The following SPINK5 variants were observed in gnomAD, a reference collection of about 807,000 sequenced individuals.
The protein encoded by SPINK5 is serine protease inhibitor Kazal-type 5.
A neutral mutation model predicts 151.8 loss-of-function variants in SPINK5; 125 were observed. The observed-to-expected ratio is 0.82, with a 90% CI of 0.71 to 0.96. The LOEUF (loss-of-function observed/expected upper bound fraction) is 0.96. Among genes scored for constraint, SPINK5 ranks in the 40% least tolerant of loss-of-function variants. The pLI, the probability that SPINK5 is intolerant of heterozygous loss-of-function variation, is 0.00. For missense variants in SPINK5, 1,194 were observed against 1,291.9 expected, an observed-to-expected ratio of 0.92 and a Z score of 1.16; for synonymous variants, 374 against 395.3, an observed-to-expected ratio of 0.95 and a Z score of 0.64.
intron 4 of SPINK5, among the ~76,000 whole-genome samples, chr5:148,084,081 A>G (rs964549672): frequency 7.2e-5 from 11 of 151,854 alleles, no homozygotes; most frequent in Non-Finnish European, 1.3e-4. Context: ...ACATAATTAG[A>G]CTTGATAAAA....
intron 10 of SPINK5, among the ~76,000 whole-genome samples, chr5:148,096,770 A>G (rs1421696251): frequency 3.5e-5 from 4 of 114,546 alleles, no homozygotes; most frequent in African/African-American, 1.5e-4. Context: ...TTTTAAGACA[A>G]TTTCTTTCTT....
At chr5:148,123,521 G>GTGTGTGTGTATATATA (rs1328976077) in intron 26 of SPINK5, among the ~76,000 whole-genome samples, 1 of 25,016 alleles carries the variant, frequency 4.0e-5, no homozygotes, top group African/African-American at 8.0e-5. Flanking sequence ...CAATATATGT[G>GTGTGTGTGTATATATA]TATATATATA....
At chr5:148,077,666 C>T (rs1379292449) in intron 4 of SPINK5, among the ~76,000 whole-genome samples, 2 of 122,358 alleles carry the variant, frequency 1.6e-5, no homozygotes, top group Non-Finnish European at 3.2e-5. Flanking sequence ...TATATGACAA[C>T]AATAGCATAA....
chr5:148,091,093 TTA>T, intron 7 of SPINK5, 70 bp from the exon 8 acceptor site: 1 of 1,303,084 alleles, frequency 7.7e-7, no homozygotes, highest in Non-Finnish European at 1.1e-6. Context: ...ATGAAAGTGT[TTA>T]GCACAGGACT....
chr5:148,123,775 T>C lies in SPINK5; in HGVS notation c.2539-58T>C, dbSNP rs1754354245. 3.7e-6 allele frequency: 6 copies of C among 1,611,054 alleles called. No homozygotes were observed. The Admixed American group carries it at 1.0e-4, about 27-fold the overall frequency. On this transcript the variant is annotated intron_variant, in intron 26 of 32. Coordinates refer to ENST00000256084, the MANE Select transcript of SPINK5 (RefSeq NM_006846.4). Reference sequence around the variant, plus strand: ...TTTATATCTAATCGGTCAATCATGTTATCAGGTTTGAAAGATTATACCATG... The same window carrying C: ...TTTATATCTAATCGGTCAATCATGTCATCAGGTTTGAAAGATTATACCATG...
intron 22 of SPINK5, among the ~76,000 whole-genome samples, chr5:148,117,174 C>T (rs1161683974): frequency 6.6e-6 from 1 of 152,180 alleles, no homozygotes; most frequent in Non-Finnish European, 1.5e-5. Flanking sequence ...CCAGATCTGA[C>T]AAAGGCCCAA....
At chr5:148,119,366 C>G (rs943677787) in intron 24 of SPINK5, among the ~76,000 whole-genome samples, 1 of 152,126 alleles carries the variant, frequency 6.6e-6, no homozygotes, top group African/African-American at 2.4e-5. Flanking sequence ...TGAGGTTTTG[C>G]AAGTATACTG....
chr5:148,121,200 G>GATA (rs1336271738), intron 26 of SPINK5, among the ~76,000 whole-genome samples: 1 of 144,484 alleles, frequency 6.9e-6, no homozygotes, highest in Middle Eastern at 3.4e-3. Context: ...TGGAGTTTGA[G>GATA]ATAATAAATT....
intron 16 of SPINK5, among the ~76,000 whole-genome samples, chr5:148,106,119 G>A (rs1753776772): frequency 6.6e-6 from 1 of 151,784 alleles, no homozygotes; most frequent in Admixed American, 6.6e-5. Flanking sequence ...TTGATCAGCT[G>A]CCAAATCCTC....
At chr5:148,100,024 T>A (rs1182408395) in intron 12 of SPINK5, among the ~76,000 whole-genome samples, 2 of 152,224 alleles carry the variant, frequency 1.3e-5, no homozygotes, top group East Asian at 3.9e-4. Context: ...TTCAGCTAGT[T>A]TTATTTTCAT....
chr5:148,094,392 A>T lies in SPINK5; in HGVS notation c.705A>T (p.Gly235=). 6.2e-7 allele frequency: 1 copy of T among 1,612,766 alleles called. No individual in the cohort carries two copies. Among genetic ancestry groups the T allele is most frequent in the Non-Finnish European group, 8.5e-7 (1 of 1,179,058 alleles). The change falls in exon 9 of 33, where the codon GGA becomes GGT. Residue 235 remains glycine, a synonymous_variant. Coordinates refer to ENST00000256084, the MANE Select transcript of SPINK5 (RefSeq NM_006846.4). ...CKEYEKQVRN[G]RLFCTRESDP... The stretch of plus-strand genomic sequence containing the variant: ...AATATGAAAAACAAGTGAGAAATGG[A>T]AGGCTTTTTTGTACACGGGAGAGTG...
chr5:148,123,274 C>T (rs924254167), intron 26 of SPINK5, among the ~76,000 whole-genome samples: 4 of 150,902 alleles, frequency 2.7e-5, no homozygotes, highest in African/African-American at 9.8e-5. Flanking sequence ...GTTGCTTGAG[C>T]CCAGGAGTTG....
intron 7 of SPINK5, among the ~76,000 whole-genome samples, chr5:148,089,868 T>C (rs1753264404): frequency 6.6e-6 from 1 of 151,894 alleles, no homozygotes; most frequent in Non-Finnish European, 1.5e-5. Flanking sequence ...TTCTTTTAAA[T>C]TACAGTAATT....
intron 32 of SPINK5, among the ~76,000 whole-genome samples, chr5:148,135,683 C>A (rs898100110): frequency 1.3e-5 from 2 of 151,924 alleles, no homozygotes; most frequent in Non-Finnish European, 2.9e-5. Flanking sequence ...CTGGTCATGG[C>A]CTAGCATTGT....
intron 32 of SPINK5, among the ~76,000 whole-genome samples, chr5:148,134,297 T>C (rs1754645925): frequency 6.6e-6 from 1 of 152,152 alleles, no homozygotes; most frequent in Non-Finnish European, 1.5e-5. Flanking sequence ...TATTAAATTA[T>C]TTCCCAGCAT....
intron 4 of SPINK5, among the ~76,000 whole-genome samples, chr5:148,080,241 A>G (rs943222427): frequency 6.6e-6 from 1 of 151,396 alleles, no homozygotes; most frequent in Non-Finnish European, 1.5e-5. Context: ...TGAAAGATCC[A>G]AATAACTAGT....
Position 148,064,036 on chromosome 5 carries a change from G to T in SPINK5, c.-9G>T, listed in dbSNP as rs201257370. The T allele has an allele frequency of 6.2e-7, 1 of 1,613,976 alleles. No homozygotes were observed. The highest frequency in any genetic ancestry group is 1.3e-5 in the African/African-American group (1 of 74,910). ...AGTGGACCTGTAGGCGACTTGCATC[G>T]TCTTCAACATGAAGATAGCCACAGT... On this transcript the variant is annotated 5_prime_UTR_variant, in exon 1 of 33. Transcript: ENST00000256084.
Position 148,099,275 on chromosome 5 carries a change from C to A in SPINK5, c.1052C>A (p.Ala351Asp), listed in dbSNP as rs562088664. Residue 351 changes from alanine (A) to aspartate (D), a missense_variant, in exon 12 of 33, where the codon GCT becomes GAT. Transcript: ENST00000256084. The stretch of plus-strand genomic sequence containing the variant: ...GAAAAGAAAAAGGCTGAAGCACGAG[C>A]TAGAAACAAAAGAGAATCTGGAAAA... ...NEEKKKAEARARNKRESGKAT... is the reference protein window; with the variant it reads ...NEEKKKAEARDRNKRESGKAT... 4 of 1,612,308 alleles carry A rather than the reference C, an allele frequency of 2.5e-6. No homozygotes were observed. In the African/African-American group the frequency reaches 5.3e-5, roughly 22 times the overall value.
At chr5:148,127,950 A>G (rs989040237) in intron 30 of SPINK5, among the ~76,000 whole-genome samples, 1 of 152,146 alleles carries the variant, frequency 6.6e-6, no homozygotes, top group African/African-American at 2.4e-5. Flanking sequence ...GAGCCTTCAC[A>G]AGATGAGGAG....
Sources: allele counts gnomAD v4.1 joint callset (sites outside exome capture counted in the v4.1 genomes callset), GRCh38; gene constraint gnomAD v4.1.1; transcripts MANE v1.5; gene names NCBI Gene and HGNC (gene_info 2026-07-23, HGNC 2026-07-21).